Variants in GRIA4 observed in about 807,000 individuals in gnomAD.
GRIA4 encodes the protein glutamate ionotropic receptor AMPA type subunit 4, also known as glutamate receptor 4.
GRIA4 carries 34 observed loss-of-function variants against 104.0 expected under a neutral mutation model. That is an observed-to-expected ratio of 0.33 (90% CI 0.25 to 0.44). The LOEUF (loss-of-function observed/expected upper bound fraction) is 0.44. Among genes scored for constraint, GRIA4 ranks in the 20% least tolerant of loss-of-function variants. GRIA4 has a pLI of 1.00. For synonymous variants in GRIA4, 386 were observed against 381.9 expected (o/e 1.01, Z -0.13); for missense variants, 750 against 1,096.5 (o/e 0.68, Z 4.46).
chr11:105,718,671 T>C (rs1210415627), intron 3 of GRIA4, among the ~76,000 whole-genome samples: 1 of 152,144 alleles, frequency 6.6e-6, no homozygotes, highest in Non-Finnish European at 1.5e-5. Flanking sequence ...GTGGTAATGG[T>C]GGTGTCTCGA....
chr11:105,884,845 C>A (rs1401046804), intron 5 of GRIA4, among the ~76,000 whole-genome samples: 1 of 152,154 alleles, frequency 6.6e-6, no homozygotes, highest in Non-Finnish European at 1.5e-5. Context: ...AGAATTTTTA[C>A]TGATTCCACA....
intron 14 of GRIA4, among the ~76,000 whole-genome samples, chr11:105,950,133 T>G (rs948345799): frequency 1.3e-5 from 2 of 152,170 alleles, no homozygotes; most frequent in Non-Finnish European, 2.9e-5. Context: ...AATCATGAAT[T>G]TGTGAAGATT....
chr11:105,887,384 G>T, intron 5 of GRIA4, 135 bp from the exon 6 acceptor site: 1 of 496,374 alleles, frequency 2.0e-6, no homozygotes, highest in South Asian at 3.4e-5. Flanking sequence ...TATAGTACGT[G>T]ACTTTTATTT....
At chr11:105,911,791 T>C in intron 10 of GRIA4, 2 of 181,046 alleles carry the variant, frequency 1.1e-5, no homozygotes, top group Non-Finnish European at 1.1e-5. Context: ...TATATATATA[T>C]ATATATATAT....
intron 16 of GRIA4, among the ~76,000 whole-genome samples, chr11:105,977,037 C>T (rs1218320053): frequency 2.6e-5 from 4 of 151,996 alleles, no homozygotes; most frequent in Admixed American, 2.6e-4. Context: ...CCTTTCCCCA[C>T]AAACATGATC....
intron 3 of GRIA4, among the ~76,000 whole-genome samples, chr11:105,650,417 T>C (rs1042734256): frequency 1.3e-5 from 2 of 151,936 alleles, no homozygotes; most frequent in African/African-American, 4.8e-5. Context: ...TTAGAGCAGC[T>C]CTCTGAAAAT....
intron 4 of GRIA4, among the ~76,000 whole-genome samples, chr11:105,851,168 T>A (rs1944794212): frequency 6.6e-6 from 1 of 152,216 alleles, no homozygotes; most frequent in Non-Finnish European, 1.5e-5. Context: ...CCTTTATTAT[T>A]ATTAGGCTTG....
At chr11:105,787,571 G>T (rs1565235930) in intron 4 of GRIA4, among the ~76,000 whole-genome samples, 3 of 149,950 alleles carry the variant, frequency 2.0e-5, no homozygotes, top group South Asian at 2.1e-4. Context: ...TGTCTCCTGG[G>T]TTCAAGCAAT....
intron 3 of GRIA4, among the ~76,000 whole-genome samples, chr11:105,644,328 CG>C (rs1951459782): frequency 6.6e-6 from 1 of 151,884 alleles, no homozygotes; most frequent in Non-Finnish European, 1.5e-5. Flanking sequence ...ACCTTTGGCT[CG>C]CGCCTGTAAT....
At chr11:105,884,308 T>C (rs748902927) in intron 5 of GRIA4, among the ~76,000 whole-genome samples, 6 of 152,254 alleles carry the variant, frequency 3.9e-5, no homozygotes, top group Non-Finnish European at 7.3e-5. Context: ...GATACAAGGT[T>C]TGGTCTGCAC....
intron 3 of GRIA4, among the ~76,000 whole-genome samples, chr11:105,634,342 G>C (rs1275925082): frequency 7.4e-6 from 1 of 135,670 alleles, no homozygotes; most frequent in African/African-American, 2.8e-5. Context: ...GACAGAGAGA[G>C]TCTCCGTCTC....
At chr11:105,961,641 G>C (rs1469548375) in intron 14 of GRIA4, among the ~76,000 whole-genome samples, 1 of 152,102 alleles carries the variant, frequency 6.6e-6, no homozygotes, top group Non-Finnish European at 1.5e-5. Context: ...TCCGTAATCT[G>C]AAAACCTGCA....
At chr11:105,687,305 T>C in intron 3 of GRIA4, among the ~76,000 whole-genome samples, 1 of 152,152 alleles carries the variant, frequency 6.6e-6, no homozygotes, top group East Asian at 1.9e-4. Flanking sequence ...ACCCCAGTGA[T>C]CTTAGAGTGT....
At chr11:105,968,916 T>G (rs1369147818) in intron 14 of GRIA4, among the ~76,000 whole-genome samples, 2 of 152,324 alleles carry the variant, frequency 1.3e-5, no homozygotes, top group East Asian at 3.9e-4. Flanking sequence ...TATTCAATCC[T>G]GGTTCTAGTT....
chr11:105,828,722 T>G (rs1943864546), intron 4 of GRIA4, among the ~76,000 whole-genome samples: 1 of 151,880 alleles, frequency 6.6e-6, no homozygotes, highest in Non-Finnish European at 1.5e-5. Context: ...GCCTGTGATT[T>G]GATTTTCCAT....
At chr11:105,680,146 G>C (rs943782144) in intron 3 of GRIA4, among the ~76,000 whole-genome samples, 2 of 152,058 alleles carry the variant, frequency 1.3e-5, no homozygotes, top group African/African-American at 4.8e-5. Flanking sequence ...TTGAATCATT[G>C]CTATGTCACC....
At chr11:105,832,326 C>T (rs1944006119) in intron 4 of GRIA4, among the ~76,000 whole-genome samples, 1 of 151,704 alleles carries the variant, frequency 6.6e-6, no homozygotes, top group African/African-American at 2.4e-5. Context: ...TTTACACAAG[C>T]TCTCTGAGGG....
At chr11:105,933,265 A>T (rs900531261) in intron 13 of GRIA4, among the ~76,000 whole-genome samples, 2 of 152,106 alleles carry the variant, frequency 1.3e-5, no homozygotes, top group East Asian at 3.9e-4. Flanking sequence ...AAAAAAATAA[A>T]ATAAAACAAC....
chr11:105,674,583 C>T (rs1171817389), intron 3 of GRIA4, among the ~76,000 whole-genome samples: 2 of 151,846 alleles, frequency 1.3e-5, no homozygotes, highest in African/African-American at 4.8e-5. Flanking sequence ...TACATGACTT[C>T]CATTTACCCG....
Sources: gnomAD v4.1 joint callset for allele counts (sites outside exome capture counted in the v4.1 genomes callset) on GRCh38, gnomAD v4.1.1 for gene constraint, MANE v1.5 for transcripts, NCBI Gene and HGNC (gene_info 2026-07-23, HGNC 2026-07-21) for gene names.